Variants in ARHGAP24 observed in about 807,000 individuals in gnomAD.
ARHGAP24 encodes the protein Rho GTPase activating protein 24.
A neutral mutation model predicts 76.4 loss-of-function variants in ARHGAP24; 50 were observed. That is an observed-to-expected ratio of 0.65 (90% CI 0.52 to 0.83). The LOEUF is 0.83. ARHGAP24 is among the 40% of genes least tolerant of loss of function. The pLI, the probability that ARHGAP24 is intolerant of heterozygous loss-of-function variation, is 0.00. For synonymous variants in ARHGAP24, 345 were observed against 323.3 expected (o/e 1.07, Z -0.72); for missense variants, 930 against 914.2 (o/e 1.02, Z -0.22).
chr4:85,951,176 A>G (rs28578799), intron 5 of ARHGAP24, among the ~76,000 whole-genome samples: 1,900 of 152,260 alleles, frequency 0.012, 31 homozygotes, highest in African/African-American at 0.043. Context: ...TGCTGATTCA[A>G]AGAAGGGGTT....
chr4:85,563,500 A>C (rs1301485530), intron 1 of ARHGAP24, among the ~76,000 whole-genome samples: 1 of 152,214 alleles, frequency 6.6e-6, no homozygotes, highest in Admixed American at 6.5e-5. Context: ...TTATAAGGGC[A>C]CTAATCCCAT....
At chr4:85,518,315 T>TA in intron 1 of ARHGAP24, among the ~76,000 whole-genome samples, 1 of 152,104 alleles carries the variant, frequency 6.6e-6, no homozygotes, top group Admixed American at 6.6e-5. Flanking sequence ...GTTTTCTAGT[T>TA]AGATGACATT....
intron 2 of ARHGAP24, among the ~76,000 whole-genome samples, chr4:85,623,811 T>C (rs1398535471): frequency 6.6e-5 from 10 of 151,394 alleles, no homozygotes; most frequent in South Asian, 4.2e-4. Context: ...CTTCACATCC[T>C]TTGTAAGTTG....
At chr4:85,700,645 G>A (rs1724048898) in intron 2 of ARHGAP24, among the ~76,000 whole-genome samples, 1 of 152,062 alleles carries the variant, frequency 6.6e-6, no homozygotes, top group Admixed American at 6.6e-5. Context: ...GTCACTTAAT[G>A]TTGTGTGTTA....
At chr4:85,972,452 C>T (rs1369108578) in intron 6 of ARHGAP24, 2 of 419,962 alleles carry the variant, frequency 4.8e-6, no homozygotes, top group East Asian at 4.9e-5. Flanking sequence ...CCACACATCA[C>T]ACAAAAGAAG....
intron 1 of ARHGAP24, among the ~76,000 whole-genome samples, chr4:85,543,206 A>C (rs1406051488): frequency 1.3e-5 from 2 of 152,198 alleles, no homozygotes; most frequent in Non-Finnish European, 2.9e-5. Context: ...CTTGAACATG[A>C]GACTAAGTTT....
At chr4:85,570,161 A>G (rs1346250252) in intron 1 of ARHGAP24, among the ~76,000 whole-genome samples, 1 of 152,100 alleles carries the variant, frequency 6.6e-6, no homozygotes, top group Non-Finnish European at 1.5e-5. Context: ...GGGCACAACA[A>G]GCTCTCTCCA....
intron 3 of ARHGAP24, among the ~76,000 whole-genome samples, chr4:85,844,238 G>A (rs1161692912): frequency 2.6e-5 from 4 of 152,192 alleles, no homozygotes; most frequent in Admixed American, 1.3e-4. Flanking sequence ...AGCTAACACT[G>A]ATACCAGAGA....
intron 5 of ARHGAP24, among the ~76,000 whole-genome samples, chr4:85,961,345 A>G (rs1349794171): frequency 6.6e-6 from 1 of 152,114 alleles, no homozygotes; most frequent in Non-Finnish European, 1.5e-5. Context: ...GATTTTGGCA[A>G]TAACTTGTTG....
At chr4:85,725,736 C>T (rs1036250980) in intron 3 of ARHGAP24, among the ~76,000 whole-genome samples, 6 of 152,226 alleles carry the variant, frequency 3.9e-5, no homozygotes, top group Admixed American at 1.3e-4. Context: ...TGGGATACAG[C>T]GAAAGGCCTC....
At chr4:85,540,797 T>C (rs894715812) in intron 1 of ARHGAP24, among the ~76,000 whole-genome samples, 1 of 152,062 alleles carries the variant, frequency 6.6e-6, no homozygotes, top group African/African-American at 2.4e-5. Context: ...CAAACAATTC[T>C]CCATGAGTCT....
intron 3 of ARHGAP24, among the ~76,000 whole-genome samples, chr4:85,739,556 T>A (rs1725738951): frequency 6.6e-6 from 1 of 152,120 alleles, no homozygotes; most frequent in African/African-American, 2.4e-5. Flanking sequence ...ACTGGCTGTG[T>A]AAAGCCTTCA....
At chr4:85,977,073 C>A (rs897704255) in intron 7 of ARHGAP24, among the ~76,000 whole-genome samples, 2 of 152,136 alleles carry the variant, frequency 1.3e-5, no homozygotes, top group South Asian at 4.1e-4. Context: ...CAGGTGTGAG[C>A]CACCATGTCC....
intron 3 of ARHGAP24, among the ~76,000 whole-genome samples, chr4:85,774,403 G>T (rs1727233380): frequency 6.6e-6 from 1 of 152,184 alleles, no homozygotes; most frequent in Non-Finnish European, 1.5e-5. Flanking sequence ...GAAAACATAT[G>T]TTGCAAATGC....
intron 1 of ARHGAP24, among the ~76,000 whole-genome samples, chr4:85,479,392 A>G (rs1027054650): frequency 1.3e-5 from 2 of 152,232 alleles, no homozygotes; most frequent in Non-Finnish European, 2.9e-5. Context: ...ACTGTGTTTT[A>G]TATTGTACTA....
rs112391466 is a variant in ARHGAP24, at chr4:85,876,002, G to A, written c.269-47646G>A. 9.2e-3 allele frequency among the ~76,000 whole-genome samples: 1,392 copies of A among 152,002 alleles called. 16 individuals carry two copies. The highest frequency in any genetic ancestry group is 0.035 in the East Asian group (183 of 5,168). On this transcript the variant is annotated intron_variant, in intron 3 of 9. Coordinates refer to ENST00000395184, the MANE Select transcript of ARHGAP24 (RefSeq NM_001025616.3). ...AGGTGATCCACCGGCCTCAGCCTCC[G>A]AAAGTGCTGGGATTACAGGCTTGAG... is the stretch of plus-strand genomic sequence containing the variant.
At chr4:85,900,705 G>A (rs1734443673) in intron 3 of ARHGAP24, among the ~76,000 whole-genome samples, 1 of 152,056 alleles carries the variant, frequency 6.6e-6, no homozygotes, top group Non-Finnish European at 1.5e-5. Context: ...GGATTACAGG[G>A]GTGAGCCACT....
chr4:85,741,396 G>GTAT (rs1725822087), intron 3 of ARHGAP24, among the ~76,000 whole-genome samples: 1 of 152,080 alleles, frequency 6.6e-6, no homozygotes, highest in South Asian at 2.1e-4. Context: ...ACATAAACAG[G>GTAT]GTTTTTGTTT....
intron 2 of ARHGAP24, among the ~76,000 whole-genome samples, chr4:85,634,389 C>T (rs1721247942): frequency 6.6e-6 from 1 of 151,800 alleles, no homozygotes. Context: ...TCTGGTTCAG[C>T]TTTCTCTCAA....
Sources: gnomAD v4.1 joint callset for allele counts (sites outside exome capture counted in the v4.1 genomes callset) on GRCh38, gnomAD v4.1.1 for gene constraint, MANE v1.5 for transcripts, NCBI Gene and HGNC (gene_info 2026-07-23, HGNC 2026-07-21) for gene names.